The following PIGG variants were observed in gnomAD, a reference collection of about 807,000 sequenced individuals.
PIGG encodes the protein GPI ethanolamine phosphate transferase 2, catalytic subunit.
Under a neutral mutation model 83.2 loss-of-function variants are expected in PIGG, and 70 were observed. The ratio of observed to expected loss-of-function variants is 0.84; its 90% confidence interval spans 0.69 to 1.03. PIGG has a LOEUF of 1.03. Among genes scored for constraint, PIGG ranks in the 50% least tolerant of loss-of-function variants. The probability of loss-of-function intolerance (pLI) is 0.00; values close to 1 mark genes in which losing one functional copy is unlikely to be tolerated. For missense variants in PIGG, 1,257 were observed against 1,233.6 expected (o/e 1.02, Z -0.28); for synonymous variants, 532 against 519.5 (o/e 1.02, Z -0.33).
In PIGG at chr4:499,402, T is replaced by G; in HGVS notation, c.67T>G (p.Phe23Val). The change falls in exon 1 of 13, where the codon TTC (phenylalanine) becomes GTC (valine). Residue 23 changes from phenylalanine to valine, a missense_variant. Transcript: ENST00000453061. ...GATCGAGGTGCTAGGGATCGCGGTC[T>G]TCCTTCGGGGATTCTTCCCGGCTCC... ...VAIEVLGIAV[F>V]LRGFFPAPVR... 1 of 1,609,794 alleles carries G rather than the reference T, an allele frequency of 6.2e-7. No homozygotes were observed. The highest frequency in any genetic ancestry group is 8.5e-7 in the Non-Finnish European group (1 of 1,179,910).
Position 515,083 on chromosome 4 carries a change from C to T in PIGG, c.902-890C>T, listed in dbSNP as rs1347600721. Among the ~76,000 whole-genome samples, 1 of 152,202 alleles carries T rather than the reference C, an allele frequency of 6.6e-6. No individual in the cohort carries two copies. Among genetic ancestry groups the T allele is most frequent in the Non-Finnish European group, 1.5e-5 (1 of 68,032 alleles). ...ATTTGACCAAATTAAAAACTCGCTA[C>T]AAAAAACTTACCACAATCAAAGTAA... On this transcript the variant is annotated intron_variant, in intron 5 of 12. Coordinates refer to ENST00000453061, the MANE Select transcript of PIGG (RefSeq NM_001127178.3). This position sits in a 1 kb window ranked among gnomAD's most constrained non-coding sequence, Gnocchi z 4.2.
At chr4:518,662 A>C (rs918643971) in intron 6 of PIGG, among the ~76,000 whole-genome samples, 11 of 152,200 alleles carry the variant, frequency 7.2e-5, no homozygotes, top group African/African-American at 2.7e-4. Context: ...CTGTTCCAGA[A>C]GTAGTGGCTG....
chr4:518,676 G>A (rs2108911535), intron 6 of PIGG, among the ~76,000 whole-genome samples: 1 of 152,284 alleles, frequency 6.6e-6, no homozygotes, highest in South Asian at 2.1e-4. Context: ...GTGGCTGGGG[G>A]AAGATGGGAA....
chr4:499,275 G>T lies in PIGG; in HGVS notation c.-61G>T. 1.9e-6 allele frequency: 3 copies of T among 1,565,840 alleles called. No homozygotes were observed. The highest frequency in any genetic ancestry group is 1.7e-6 in the Non-Finnish European group (2 of 1,158,582). ...GGCGGCTACCTGGAGCCGGAAGCGC[G>T]GCTGCAGCAGGGCGAGGCTCCAGGT... On this transcript the variant is annotated 5_prime_UTR_variant, in exon 1 of 13. Coordinates refer to ENST00000453061, the MANE Select transcript of PIGG (RefSeq NM_001127178.3).
rs748676621 is a variant in PIGG at position 507,512 on chromosome 4, G to A, written c.678G>A (p.Gly226=). ...TGGACCACATTGGCCACATTTCAGGGCCCAACAGCCCCCTGATTGGGCAGA... is the reference window on the plus strand; with the variant it reads ...TGGACCACATTGGCCACATTTCAGGACCCAACAGCCCCCTGATTGGGCAGA... The part of the protein sequence containing the change: ...LGLDHIGHIS[G]PNSPLIGQKL... Residue 226 remains glycine (G), a synonymous_variant, in exon 4 of 13, where the codon GGG becomes GGA. Transcript: ENST00000453061. 3.4e-5 allele frequency: 55 copies of A among 1,614,178 alleles called. No homozygotes were observed. Among genetic ancestry groups the A allele is most frequent in the East Asian group, 2.7e-4 (12 of 44,890 alleles).
At position 533,977 on chromosome 4, in the gene PIGG, C is replaced by T. The variant is rs781165955; in HGVS notation, c.2731C>T (p.Arg911Cys). 1.6e-5 allele frequency: 26 copies of T among 1,613,818 alleles called. No homozygotes were observed. The highest frequency in any genetic ancestry group is 8.9e-5 in the East Asian group (4 of 44,884). The change falls in exon 12 of 13, where the codon CGC becomes TGC. Residue 911 changes from arginine to cysteine, a missense_variant. Arg to Cys is a radical substitution (Grantham distance 180). Transcript: ENST00000453061. ...AGTGCACTTCCTGAGCTCAGAAACACGCAGGTGAGGCGCCTCTCTGCCGTC... is the reference window on the plus strand; with the variant it reads ...AGTGCACTTCCTGAGCTCAGAAACATGCAGGTGAGGCGCCTCTCTGCCGTC... ...HLVHFLSSETRSGSALSHACF... is the reference protein window; with the variant it reads ...HLVHFLSSETCSGSALSHACF...
Position 516,219 on chromosome 4 carries a change from G to C in PIGG, c.1114+34G>C. On this transcript the variant is annotated intron_variant, in intron 6 of 12. Coordinates refer to ENST00000453061, the MANE Select transcript of PIGG (RefSeq NM_001127178.3). Reference sequence around the variant, plus strand: ...ACTCACCGTTTCGAGCTCTGTCAGAGCTGTGTGTTTCCACTGAGCTCGGGT... The same window carrying C: ...ACTCACCGTTTCGAGCTCTGTCAGACCTGTGTGTTTCCACTGAGCTCGGGT... 8.9e-6 allele frequency: 13 copies of C among 1,464,898 alleles called. No homozygotes were observed. In the Middle Eastern group the frequency reaches 2.3e-3, roughly 257 times the overall value. 90.7% of individuals were successfully genotyped at this position (1,464,898 alleles called of 1,614,324 possible). A position where few individuals can be genotyped will look rare whatever the true frequency, so the allele number is the denominator to read the frequency against.
chr4:500,331 T>C, intron 1 of PIGG, 65 bp from the exon 2 acceptor site: 1 of 1,152,698 alleles, frequency 8.7e-7, no homozygotes. Flanking sequence ...AGCTAGATTG[T>C]GAAGGTGCTT....
intron 11 of PIGG, chr4:532,916 A>G (rs918257818): frequency 2.9e-4 from 45 of 153,034 alleles, no homozygotes; most frequent in African/African-American, 1.1e-3. Flanking sequence ...CTAGGAATGG[A>G]GAGGTGGGGC....
intron 5 of PIGG, 105 bp downstream of exon 5, chr4:509,075 A>G (rs1302330078): frequency 5.5e-6 from 5 of 901,972 alleles, no homozygotes; most frequent in Admixed American, 2.7e-5. Flanking sequence ...ATAAGGTTGA[A>G]GTCCCCAAGC....
At position 523,817 on chromosome 4, in the gene PIGG, C is replaced by T. The variant is rs1239941786; in HGVS notation, c.1973C>T (p.Pro658Leu). 1.2e-6 allele frequency: 2 copies of T among 1,612,824 alleles called. No individual in the cohort carries two copies. Among genetic ancestry groups the T allele is most frequent in the Admixed American group, 1.7e-5 (1 of 59,954 alleles). Residue 658 changes from proline to leucine, a missense_variant, in exon 9 of 13, where the codon CCG becomes CTG. Coordinates refer to ENST00000453061, the MANE Select transcript of PIGG (RefSeq NM_001127178.3). ...GAGAAGTGGATGGTGCTGGCCAGTC[C>T]GTGGCTAATACTGGCCTGCTGCCGG... ...GREKWMVLAS[P>L]WLILACCRLL...
Position 505,835 on chromosome 4 carries a change from T to A in PIGG, c.478T>A (p.Phe160Ile). 6.2e-7 allele frequency: 1 copy of A among 1,613,418 alleles called. No homozygotes were observed. Among genetic ancestry groups the A allele is most frequent in the Non-Finnish European group, 8.5e-7 (1 of 1,179,798 alleles). Residue 160 changes from phenylalanine to isoleucine, a missense_variant, in exon 3 of 13, where the codon TTT (phenylalanine) becomes ATT (isoleucine). Coordinates refer to ENST00000453061, the MANE Select transcript of PIGG (RefSeq NM_001127178.3). ...AAAAGCAGCTGGAAAAAGAATAGTC[T>A]TTTATGGAGATGAAACCTGGGTTAA... ...QAKAAGKRIV[F>I]YGDETWVKLF...
chr4:529,264 T>G (rs1935307209), intron 10 of PIGG, among the ~76,000 whole-genome samples: 1 of 152,224 alleles, frequency 6.6e-6, no homozygotes, highest in South Asian at 2.1e-4. Flanking sequence ...TGACCTTTGC[T>G]GATTTCTCCC....
chr4:511,082 TCGG>T (rs1721750071), intron 5 of PIGG, among the ~76,000 whole-genome samples: 1 of 152,076 alleles, frequency 6.6e-6, no homozygotes, highest in Non-Finnish European at 1.5e-5. Context: ...TCACCTGAGA[TCGG>T]GAGTTCGAGA....
chr4:533,459 T>G, intron 11 of PIGG: 1 of 201,882 alleles, frequency 5.0e-6, no homozygotes. Flanking sequence ...GAGGGGAGCT[T>G]CATGTGCTTG....
chr4:510,056 C>T (rs1721351734), intron 5 of PIGG, among the ~76,000 whole-genome samples: 1 of 152,132 alleles, frequency 6.6e-6, no homozygotes, highest in African/African-American at 2.4e-5. Context: ...GAGACCAGCT[C>T]GGTCCGGGAG....
rs1717356813 is a variant in PIGG, at chr4:500,690, A to G, written c.360+89A>G. ...CTGTAGTCTTTCGCTTGGAGTTGCA[A>G]TTTTAAGAAAGTGGAAATTTTGTGC... On this transcript the variant is annotated intron_variant, in intron 2 of 12. Transcript: ENST00000453061. The G allele has an allele frequency of 4.8e-6, 4 of 840,822 alleles. No homozygotes were observed. The Admixed American group carries it at 6.4e-5, about 13-fold the overall frequency. The allele number at this position is 840,822 out of a possible 1,614,324, so 52.1% of individuals were successfully genotyped here. A position where few individuals can be genotyped will look rare whatever the true frequency, so the allele number is the denominator to read the frequency against.
chr4:529,737 A>T (rs1380209158), intron 10 of PIGG, among the ~76,000 whole-genome samples: 1 of 152,106 alleles, frequency 6.6e-6, no homozygotes, highest in Non-Finnish European at 1.5e-5. Flanking sequence ...TCCCTTGCTT[A>T]ATTCCTAGGA....
rs1457086360 is a variant in PIGG at position 528,617 on chromosome 4, G to T, written c.2261+1387G>T. 2 of 985,242 alleles carry T rather than the reference G, an allele frequency of 2.0e-6. No individual in the cohort carries two copies. Among genetic ancestry groups the T allele is most frequent in the Admixed American group, 1.2e-4 (2 of 16,276 alleles). 61.0% of individuals were successfully genotyped at this position (985,242 alleles called of 1,614,324 possible). A position where few individuals can be genotyped will look rare whatever the true frequency, so the allele number is the denominator to read the frequency against. ...GGTGTTCTGTGGAGATGTCTCAAAG[G>T]CTGTTGACTTTGGAATCTGAGACTT... On this transcript the variant is annotated intron_variant, in intron 10 of 12. Transcript: ENST00000453061. The surrounding 1 kb of genome is among the most constrained non-coding windows in gnomAD (Gnocchi z 4.8).
Sources: allele counts gnomAD v4.1 joint callset (sites outside exome capture counted in the v4.1 genomes callset), GRCh38; gene constraint gnomAD v4.1.1; non-coding constraint Gnocchi (gnomAD v3.1); transcripts MANE v1.5; gene names NCBI Gene and HGNC (gene_info 2026-07-23, HGNC 2026-07-21).